LOC400499: variants seen among roughly 807,000 people sequenced by gnomAD.
At chr16:11,451,230 T>G in the LOC400499 span, among the ~76,000 whole-genome samples, 1 of 152,220 alleles carries the variant, frequency 6.6e-6, no homozygotes, top group Non-Finnish European at 1.5e-5. Flanking sequence ...TATGAGAGGA[T>G]GCTGGTAATC....
the LOC400499 span, among the ~76,000 whole-genome samples, chr16:11,487,635 G>C: frequency 1.3e-5 from 2 of 152,172 alleles, no homozygotes; most frequent in Non-Finnish European, 2.9e-5. Context: ...CCCAACCCCA[G>C]GCTTCCCAGA....
At chr16:11,483,591 C>T in the LOC400499 span, among the ~76,000 whole-genome samples, 19 of 151,790 alleles carry the variant, frequency 1.3e-4, 1 homozygote, top group East Asian at 1.4e-3. Flanking sequence ...TGTTGGCAAG[C>T]GCAGTGGCTC....
chr16:11,479,333 G>C, the LOC400499 span, among the ~76,000 whole-genome samples: 1 of 152,150 alleles, frequency 6.6e-6, no homozygotes, highest in Admixed American at 6.5e-5. Flanking sequence ...TTGAAAACTG[G>C]CTTGGAAAGG....
the LOC400499 span, among the ~76,000 whole-genome samples, chr16:11,466,393 A>AT: frequency 2.1e-3 from 314 of 149,062 alleles, 1 homozygote; most frequent in South Asian, 0.01. Context: ...ATTCATTTAG[A>AT]TTTTTTTTTT....
At chr16:11,439,996 G>C in the LOC400499 span, among the ~76,000 whole-genome samples, 1 of 152,248 alleles carries the variant, frequency 6.6e-6, no homozygotes, top group East Asian at 1.9e-4. Flanking sequence ...CTGAGGCTCA[G>C]TGGGATTCAG....
At chr16:11,478,650 T>G in the LOC400499 span, 1 of 399,142 alleles carries the variant, frequency 2.5e-6, no homozygotes, top group East Asian at 3.6e-5. Context: ...TCAGCTCGCA[T>G]CGCAGAGCCT....
chr16:11,516,335 G>A, the LOC400499 span: 4 of 399,056 alleles, frequency 1.0e-5, no homozygotes, highest in Non-Finnish European at 1.8e-5. Context: ...GGGGTCAAGC[G>A]GGACCCTCCA....
chr16:11,471,610 C>T, the LOC400499 span: 25 of 398,948 alleles, frequency 6.3e-5, no homozygotes, highest in Middle Eastern at 2.5e-3. Context: ...CTAAGGAGAT[C>T]CACAACATGG....
chr16:11,453,650 A>G, the LOC400499 span, among the ~76,000 whole-genome samples: 2 of 152,020 alleles, frequency 1.3e-5, no homozygotes, highest in African/African-American at 4.8e-5. Flanking sequence ...GAACAGAACC[A>G]AAGGACAAAG....
chr16:11,391,617 G>T, the LOC400499 span: 20 of 1,227,500 alleles, frequency 1.6e-5, no homozygotes, highest in Non-Finnish European at 1.8e-5. Flanking sequence ...GTGGAGAGGG[G>T]GGACATTGAT....
chr16:11,503,517 G>A, the LOC400499 span, among the ~76,000 whole-genome samples: 1 of 152,136 alleles, frequency 6.6e-6, no homozygotes, highest in East Asian at 1.9e-4. Flanking sequence ...CCCCAGGCTT[G>A]GCCAGGGCCA....
the LOC400499 span, among the ~76,000 whole-genome samples, chr16:11,506,244 T>C: frequency 0.04 from 6,104 of 152,040 alleles, 289 homozygotes; most frequent in African/African-American, 0.11. Flanking sequence ...AGGCTGGTCT[T>C]GAACTCCTGA....
the LOC400499 span, among the ~76,000 whole-genome samples, chr16:11,526,680 G>C: frequency 0.036 from 5,425 of 152,178 alleles, 315 homozygotes; most frequent in African/African-American, 0.12. Flanking sequence ...TTAAAAATTT[G>C]TATGTGTGGG....
At chr16:11,479,125 A>G in the LOC400499 span, among the ~76,000 whole-genome samples, 1 of 152,092 alleles carries the variant, frequency 6.6e-6, no homozygotes, top group Non-Finnish European at 1.5e-5. Flanking sequence ...GTACTTTGGG[A>G]GGGGGAAGGG....
At chr16:11,450,744 G>A in the LOC400499 span, 1 of 1,536,184 alleles carries the variant, frequency 6.5e-7, no homozygotes, top group East Asian at 2.4e-5. Flanking sequence ...GGACAGCCTG[G>A]AACACAGCTC....
chr16:11,421,167 G>C, the LOC400499 span, among the ~76,000 whole-genome samples: 1 of 152,182 alleles, frequency 6.6e-6, no homozygotes, highest in Non-Finnish European at 1.5e-5. Context: ...TGTGACAGCA[G>C]AGAGGCCAGG....
chr16:11,382,740 G>C, the LOC400499 span, among the ~76,000 whole-genome samples: 1 of 152,126 alleles, frequency 6.6e-6, no homozygotes, highest in Non-Finnish European at 1.5e-5. Flanking sequence ...AACCCAGGAG[G>C]TGGAAGTTGC....
the LOC400499 span, chr16:11,460,958 C>T: frequency 6.5e-7 from 1 of 1,529,814 alleles, no homozygotes; most frequent in South Asian, 1.2e-5. Context: ...GCACGCAGTG[C>T]CTTACCCAGG....
At chr16:11,493,128 G>A in the LOC400499 span, among the ~76,000 whole-genome samples, 1 of 152,132 alleles carries the variant, frequency 6.6e-6, no homozygotes, top group Non-Finnish European at 1.5e-5. Context: ...CTCAGGGCCT[G>A]GGAAGTCAAT....
Sources: allele counts gnomAD v4.1 joint callset (sites outside exome capture counted in the v4.1 genomes callset), GRCh38; gene constraint gnomAD v4.1.1; transcripts MANE v1.5.